Variants in CSTF3 observed in about 807,000 individuals in gnomAD.
CSTF3 encodes the protein cleavage stimulation factor subunit 3.
In CSTF3, 29 loss-of-function variants were observed where a neutral mutation model predicts 105.8. The observed-to-expected ratio is 0.27, with a 90% CI of 0.20 to 0.37. CSTF3 has a LOEUF of 0.37. Among genes scored for constraint, CSTF3 ranks in the 10% least tolerant of loss-of-function variants. The pLI is 1.00. For synonymous variants in CSTF3, 252 were observed against 281.9 expected (o/e 0.89, Z 1.06); for missense variants, 357 against 879.3 (o/e 0.41, Z 7.51).
At chr11:33,098,160 C>G (rs1855244122) in intron 13 of CSTF3, among the ~76,000 whole-genome samples, 1 of 152,222 alleles carries the variant, frequency 6.6e-6, no homozygotes, top group East Asian at 1.9e-4. Flanking sequence ...ACAAGCCTGT[C>G]CCCTTCCTCT....
Position 33,099,979 on chromosome 11 carries a change from G to A in CSTF3, c.827-262C>T, listed in dbSNP as rs567765847. Among the ~76,000 whole-genome samples the A allele has an allele frequency of 3.1e-4, 47 of 151,992 alleles. No homozygotes were observed. Among genetic ancestry groups the A allele is most frequent in the Non-Finnish European group, 5.7e-4 (39 of 67,996 alleles). Reference sequence around the variant, plus strand: ...CACAAATATGGTTCACTGCAGCCTCGACCTCCTGGGCTCAAGTGGTTTTCC... The same window carrying A: ...CACAAATATGGTTCACTGCAGCCTCAACCTCCTGGGCTCAAGTGGTTTTCC... On this transcript the variant is annotated intron_variant, in intron 10 of 20. Coordinates refer to ENST00000323959, the MANE Select transcript of CSTF3 (RefSeq NM_001326.3). This position sits in a 1 kb window ranked among gnomAD's most constrained non-coding sequence, Gnocchi z 4.1.
At chr11:33,117,996 T>A (rs750762966) in intron 3 of CSTF3, among the ~76,000 whole-genome samples, 16 of 151,804 alleles carry the variant, frequency 1.1e-4, no homozygotes, top group African/African-American at 3.6e-4. Context: ...TATTTTCATA[T>A]CAATTTCACA....
chr11:33,160,359 G>C (rs948538774), intron 1 of CSTF3, among the ~76,000 whole-genome samples: 1 of 152,116 alleles, frequency 6.6e-6, no homozygotes, highest in African/African-American at 2.4e-5. Flanking sequence ...TTATAAGCTA[G>C]GGAACCTGAA....
chr11:33,136,420 G>C (rs1447442824), intron 3 of CSTF3, among the ~76,000 whole-genome samples: 1 of 151,892 alleles, frequency 6.6e-6, no homozygotes, highest in East Asian at 1.9e-4. Flanking sequence ...TTTATTTAGA[G>C]GTGCAACTTT....
At position 33,085,128 on chromosome 11, in the gene CSTF3, G is replaced by A. The variant is rs377162271; in HGVS notation, c.2113C>T (p.His705Tyr). The change falls in exon 21 of 21, where the codon CAT becomes TAT. Residue 705 changes from histidine (H) to tyrosine (Y), a missense_variant. By Grantham distance (83) the His-to-Tyr change is moderately conservative. This residue lies in a region of CSTF3 where 73 missense variants were observed against 105.8 expected (regional missense o/e 0.69). Coordinates refer to ENST00000323959, the MANE Select transcript of CSTF3 (RefSeq NM_001326.3). ...EEKGAVVPPV[H>Y]DIYRARQQKR... ...TGCTGCCGTGCTCTGTAAATGTCAT[G>A]AACAGGGGGGACAACGGCTCCCTTT... The A allele has an allele frequency of 2.5e-6, 4 of 1,614,038 alleles. No homozygotes were observed. In the African/African-American group the frequency reaches 5.3e-5, roughly 22 times the overall value.
intron 1 of CSTF3, chr11:33,144,914 T>C: frequency 4.3e-6 from 1 of 235,076 alleles, no homozygotes; most frequent in Admixed American, 4.9e-5. Context: ...AGGGAGAAGT[T>C]GCAGGGAACT....
chr11:33,098,792 C>T (rs546689227), intron 12 of CSTF3, 28 bp from the exon 13 acceptor site: 1 of 1,425,926 alleles, frequency 7.0e-7, no homozygotes, highest in African/African-American at 1.5e-5. Context: ...AAGTGAGTAT[C>T]AACATATGGT....
chr11:33,092,952 T>C (rs985298898), intron 15 of CSTF3, among the ~76,000 whole-genome samples: 2 of 152,232 alleles, frequency 1.3e-5, no homozygotes, highest in East Asian at 3.8e-4. Flanking sequence ...AAAATGACAC[T>C]TCTTGCTAAA....
intron 3 of CSTF3, among the ~76,000 whole-genome samples, chr11:33,140,072 A>G (rs1270247649): frequency 6.6e-6 from 1 of 152,060 alleles, no homozygotes; most frequent in East Asian, 1.9e-4. Flanking sequence ...AAAAACTCAG[A>G]AAGTTCTACT....
Position 33,103,164 on chromosome 11 carries a change from A to T in CSTF3, c.606T>A (p.Ala202=). ...TACTCCGATCTTCAATCATTTTTTT[A>T]GCTAAATGAATATTGATACCCTAGA... The part of the protein sequence containing the change: ...KYEEGINIHL[A]KKMIEDRSRD... The change falls in exon 9 of 21, where the codon GCT becomes GCA. Residue 202 remains alanine, a synonymous_variant. Coordinates refer to ENST00000323959, the MANE Select transcript of CSTF3 (RefSeq NM_001326.3). 6.4e-7 allele frequency: 1 copy of T among 1,560,608 alleles called. No homozygotes were observed. The highest frequency in any genetic ancestry group is 8.7e-7 in the Non-Finnish European group (1 of 1,153,042).
intron 3 of CSTF3, among the ~76,000 whole-genome samples, chr11:33,111,004 G>A (rs149561068): frequency 0.01 from 1,546 of 152,282 alleles, 25 homozygotes; most frequent in African/African-American, 0.034. Flanking sequence ...GCCAAGGTGG[G>A]CAAGTCACAA....
chr11:33,135,895 A>G (rs2133795427), intron 3 of CSTF3, among the ~76,000 whole-genome samples: 1 of 152,268 alleles, frequency 6.6e-6, no homozygotes, highest in African/African-American at 2.4e-5. Context: ...ATGTTCTGTC[A>G]CATGAATAGA....
intron 17 of CSTF3, among the ~76,000 whole-genome samples, chr11:33,088,066 A>AGTT (rs1793860470): frequency 6.6e-6 from 1 of 152,200 alleles, no homozygotes; most frequent in African/African-American, 2.4e-5. Flanking sequence ...GTTGAAATGG[A>AGTT]GTTGGTGACA....
chr11:33,096,261 T>C (rs750417911), intron 15 of CSTF3, 45 bp downstream of exon 15: 3 of 1,238,458 alleles, frequency 2.4e-6, no homozygotes, highest in African/African-American at 3.1e-5. Flanking sequence ...TAATTCCACA[T>C]GGTTTAATAT....
chr11:33,106,175 C>G (rs892821652), intron 5 of CSTF3, 111 bp from the exon 6 acceptor site: 1 of 743,886 alleles, frequency 1.3e-6, no homozygotes, highest in South Asian at 1.7e-5. Flanking sequence ...TTTGGGAGGC[C>G]GAGGCAGAAG....
chr11:33,113,401 G>C (rs773599673), intron 3 of CSTF3, among the ~76,000 whole-genome samples: 5 of 150,944 alleles, frequency 3.3e-5, no homozygotes, highest in Non-Finnish European at 7.4e-5. Context: ...CTGTAATCCC[G>C]GCTGCTTGGG....
chr11:33,146,990 C>T (rs1855791964), intron 1 of CSTF3, among the ~76,000 whole-genome samples: 1 of 151,982 alleles, frequency 6.6e-6, no homozygotes, highest in African/African-American at 2.4e-5. Context: ...CATAGTGAGA[C>T]ACTGGTCTCT....
At chr11:33,089,672 T>C (rs2133768540) in intron 17 of CSTF3, among the ~76,000 whole-genome samples, 1 of 152,278 alleles carries the variant, frequency 6.6e-6, no homozygotes, top group East Asian at 1.9e-4. Flanking sequence ...TGAATATCAA[T>C]TATGGGTAGT....
At chr11:33,151,744 T>C (rs1232070654) in intron 1 of CSTF3, among the ~76,000 whole-genome samples, 2 of 152,240 alleles carry the variant, frequency 1.3e-5, no homozygotes, top group Non-Finnish European at 2.9e-5. Flanking sequence ...GGCTAAGTAA[T>C]GTGGTAACTC....
Sources: allele counts gnomAD v4.1 joint callset (sites outside exome capture counted in the v4.1 genomes callset), GRCh38; gene constraint gnomAD v4.1.1; regional missense constraint gnomAD v4.1.1; non-coding constraint Gnocchi (gnomAD v3.1); transcripts MANE v1.5; gene names NCBI Gene and HGNC (gene_info 2026-07-23, HGNC 2026-07-21).